Variants in MINDY2 observed in about 807,000 individuals in gnomAD.
MINDY2 encodes the protein MINDY lysine 48 deubiquitinase 2.
In MINDY2, 52 loss-of-function variants were observed where a neutral mutation model predicts 68.2. That is an observed-to-expected ratio of 0.76 (90% CI 0.61 to 0.96). The LOEUF (loss-of-function observed/expected upper bound fraction) is 0.96. MINDY2 is among the 40% of genes least tolerant of loss of function. The pLI, the probability that MINDY2 is intolerant of heterozygous loss-of-function variation, is 0.00. For missense variants in MINDY2, 881 were observed against 773.4 expected (o/e 1.14, Z -1.65); for synonymous variants, 372 against 303.0 (o/e 1.23, Z -2.36).
intron 5 of MINDY2, among the ~76,000 whole-genome samples, chr15:58,829,893 C>T (rs2031619843): frequency 6.6e-6 from 1 of 152,106 alleles, no homozygotes; most frequent in South Asian, 2.1e-4. Flanking sequence ...GTGGAATAAA[C>T]CTATGTTATC....
At chr15:58,772,701 C>G (rs1334773527) in intron 1 of MINDY2, among the ~76,000 whole-genome samples, 1 of 151,716 alleles carries the variant, frequency 6.6e-6, no homozygotes, top group African/African-American at 2.4e-5. Context: ...TGTGTAGATA[C>G]TTAAGAGAAT....
chr15:58,808,765 C>T (rs1198978200), intron 3 of MINDY2, among the ~76,000 whole-genome samples: 3 of 152,022 alleles, frequency 2.0e-5, no homozygotes, highest in African/African-American at 7.2e-5. Flanking sequence ...CCACCATGCC[C>T]GACTAATTTT....
At chr15:58,791,478 G>A (rs1174244109) in intron 2 of MINDY2, among the ~76,000 whole-genome samples, 3 of 151,242 alleles carry the variant, frequency 2.0e-5, no homozygotes, top group South Asian at 2.1e-4. Flanking sequence ...TTAGCCAGGC[G>A]TGATGGTGTG....
intron 4 of MINDY2, among the ~76,000 whole-genome samples, chr15:58,817,297 G>A (rs1331739351): frequency 6.6e-6 from 1 of 152,166 alleles, no homozygotes; most frequent in Non-Finnish European, 1.5e-5. Context: ...AGGAGCAAAT[G>A]ACTTGAATAG....
intron 1 of MINDY2, among the ~76,000 whole-genome samples, chr15:58,785,231 T>C (rs985738464): frequency 1.3e-5 from 2 of 151,756 alleles, no homozygotes; most frequent in Admixed American, 6.6e-5. Context: ...TCCACAGTAT[T>C]AGTGTGAAGT....
intron 5 of MINDY2, among the ~76,000 whole-genome samples, chr15:58,828,226 T>C (rs1234856476): frequency 6.6e-6 from 1 of 152,066 alleles, no homozygotes; most frequent in Non-Finnish European, 1.5e-5. Context: ...TTAAAATAAA[T>C]TGTTTTGCCC....
At position 58,831,937 on chromosome 15, in the gene MINDY2, T is replaced by C; in HGVS notation, c.1368+21T>C. 1.9e-6 allele frequency: 3 copies of C among 1,595,390 alleles called. No individual in the cohort carries two copies. In the South Asian group the frequency reaches 3.4e-5, roughly 18 times the overall value. On this transcript the variant is annotated intron_variant, in intron 6 of 8. Transcript: ENST00000559228. Reference sequence around the variant, plus strand: ...ACAAGGTATGATATAGAAATAGCTATTTAATCGTGATTCTAAATCAAAGGA... The same window carrying C: ...ACAAGGTATGATATAGAAATAGCTACTTAATCGTGATTCTAAATCAAAGGA...
intron 1 of MINDY2, among the ~76,000 whole-genome samples, chr15:58,784,932 G>A (rs764716438): frequency 5.9e-5 from 9 of 151,680 alleles, no homozygotes; most frequent in Non-Finnish European, 1.3e-4. Context: ...ACCGTACCCA[G>A]CCTGTTATTT....
At chr15:58,811,197 C>T (rs188065278) in intron 4 of MINDY2, among the ~76,000 whole-genome samples, 9 of 152,172 alleles carry the variant, frequency 5.9e-5, no homozygotes, top group Non-Finnish European at 1.2e-4. Context: ...TGGGCAAGAC[C>T]GTATTCTTTA....
At chr15:58,843,172 CAG>C (rs2032360540) in intron 6 of MINDY2, among the ~76,000 whole-genome samples, 1 of 152,212 alleles carries the variant, frequency 6.6e-6, no homozygotes, top group African/African-American at 2.4e-5. Context: ...TGTTTTGAGA[CAG>C]AGTCTCGCTC....
chr15:58,807,623 A>G (rs545545460), intron 3 of MINDY2, among the ~76,000 whole-genome samples: 30 of 152,248 alleles, frequency 2.0e-4, no homozygotes, highest in African/African-American at 7.2e-4. Flanking sequence ...TCGGCCTCCC[A>G]AAGTGCTGGG....
chr15:58,854,726 G>C lies in MINDY2; in HGVS notation c.*116G>C. ...CCTGATTTCCTAATGGATTTTGTTCGTTTTTTCAGGGGAACGGTTGTTACT... is the reference window on the plus strand; with the variant it reads ...CCTGATTTCCTAATGGATTTTGTTCCTTTTTTCAGGGGAACGGTTGTTACT... On this transcript the variant is annotated 3_prime_UTR_variant, in exon 9 of 9. Coordinates refer to ENST00000559228, the MANE Select transcript of MINDY2 (RefSeq NM_001040450.3). 8.0e-7 allele frequency: 1 copy of C among 1,245,192 alleles called. No individual in the cohort carries two copies. Among genetic ancestry groups the C allele is most frequent in the East Asian group, 2.5e-5 (1 of 40,738 alleles). 77.1% of individuals were successfully genotyped at this position (1,245,192 alleles called of 1,614,324 possible). A position where few individuals can be genotyped will look rare whatever the true frequency, so the allele number is the denominator to read the frequency against.
chr15:58,845,609 G>A (rs1436274038), intron 6 of MINDY2, among the ~76,000 whole-genome samples: 3 of 152,180 alleles, frequency 2.0e-5, no homozygotes, highest in African/African-American at 7.2e-5. Context: ...GAATATAAAT[G>A]AGTACAACCA....
At chr15:58,816,668 C>G (rs1302296110) in intron 4 of MINDY2, among the ~76,000 whole-genome samples, 2 of 152,042 alleles carry the variant, frequency 1.3e-5, no homozygotes, top group African/African-American at 4.8e-5. Context: ...CTAGGGCACT[C>G]TAGAGCAATG....
intron 5 of MINDY2, among the ~76,000 whole-genome samples, chr15:58,830,109 T>C (rs2031633956): frequency 6.6e-6 from 1 of 152,152 alleles, no homozygotes; most frequent in Admixed American, 6.6e-5. Context: ...GAAATACAAG[T>C]TTAAAAAATA....
At chr15:58,842,818 A>G (rs1415111389) in intron 6 of MINDY2, among the ~76,000 whole-genome samples, 2 of 152,170 alleles carry the variant, frequency 1.3e-5, no homozygotes, top group East Asian at 3.8e-4. Flanking sequence ...TTCTCACTTA[A>G]TGGCTGAGGG....
At chr15:58,850,729 C>G (rs1703977242) in intron 7 of MINDY2, among the ~76,000 whole-genome samples, 1 of 151,904 alleles carries the variant, frequency 6.6e-6, no homozygotes, top group South Asian at 2.1e-4. Context: ...GGACCATGGG[C>G]ATGCATCACC....
chr15:58,853,611 G>T (rs138507891), intron 8 of MINDY2, among the ~76,000 whole-genome samples: 1 of 152,074 alleles, frequency 6.6e-6, no homozygotes, highest in African/African-American at 2.4e-5. Context: ...TCGAGGCCAG[G>T]AGTTCGAGAC....
intron 6 of MINDY2, among the ~76,000 whole-genome samples, chr15:58,835,844 G>C (rs1244642668): frequency 6.6e-6 from 1 of 152,098 alleles, no homozygotes; most frequent in African/African-American, 2.4e-5. Context: ...CAAGTAAAAG[G>C]AATGAAGAAA....
Sources: gnomAD v4.1 joint callset for allele counts (sites outside exome capture counted in the v4.1 genomes callset) on GRCh38, gnomAD v4.1.1 for gene constraint, MANE v1.5 for transcripts, NCBI Gene and HGNC (gene_info 2026-07-23, HGNC 2026-07-21) for gene names.